Variants in LHX5 observed in about 807,000 individuals in gnomAD.
The protein encoded by LHX5 is LIM/homeobox protein Lhx5.
In LHX5, 5 loss-of-function variants were observed where a neutral mutation model predicts 30.6. The ratio of observed to expected loss-of-function variants is 0.16; its 90% confidence interval spans 0.09 to 0.34. LHX5 has a LOEUF of 0.34. LHX5 is among the 10% of genes least tolerant of loss of function. The pLI is 1.00. For missense variants in LHX5, 458 were observed against 570.6 expected (o/e 0.80, Z 2.01); for synonymous variants, 266 against 252.6 (o/e 1.05, Z -0.50).
In LHX5 at chr12:113,463,263, A is replaced by C. The variant is rs1479672049; in HGVS notation, c.1136T>G (p.Met379Arg). 1 of 1,525,042 alleles carries C rather than the reference A, an allele frequency of 6.6e-7. No homozygotes were observed. The highest frequency in any genetic ancestry group is 8.8e-7 in the Non-Finnish European group (1 of 1,140,580). The allele number at this position is 1,525,042 out of a possible 1,614,324, so 94.5% of individuals were successfully genotyped here. A position where few individuals can be genotyped will look rare whatever the true frequency, so the allele number is the denominator to read the frequency against. Residue 379 changes from methionine to arginine, a missense_variant, in exon 5 of 5, where the codon ATG (methionine) becomes AGG (arginine). Physicochemically the swap from Met to Arg is moderately conservative, Grantham distance 91. This residue lies in a region of LHX5 where 255 missense variants were observed against 246.8 expected (regional missense o/e 1.03). Transcript: ENST00000261731. This position sits in a 1 kb window ranked among gnomAD's most constrained non-coding sequence, Gnocchi z 6.7. ...TCCGCTGTAGCCGCTGGTGCCGCTC[A>C]TTGGGAAGGGCGGGCTGGGCCCGCC... is the stretch of plus-strand genomic sequence containing the variant. ...FSGGPSPPFP[M>R]SGTSGYSGPL...
In LHX5 at chr12:113,464,230, C is replaced by G. The variant is rs143396126; in HGVS notation, c.842-673G>C. Among the ~76,000 whole-genome samples, 100 of 152,296 alleles carry G rather than the reference C, an allele frequency of 6.6e-4. No individual in the cohort carries two copies. The East Asian group carries it at 0.017, about 26-fold the overall frequency. On this transcript the variant is annotated intron_variant, in intron 4 of 4. Transcript: ENST00000261731. This position sits in a 1 kb window ranked among gnomAD's most constrained non-coding sequence, Gnocchi z 6.2. ...GAGAGAAGTCGATGCGCCCAGAGAA[C>G]GCAAGACGGTGGATCAGAGATGAGT...
rs1193129575 is a variant in LHX5, at chr12:113,467,979, C to G, written c.675+148G>C. The G allele has an allele frequency of 4.4e-6, 5 of 1,140,868 alleles. No individual in the cohort carries two copies. The South Asian group carries it at 6.6e-5, about 15-fold the overall frequency. 70.7% of individuals were successfully genotyped at this position (1,140,868 alleles called of 1,614,324 possible). On this transcript the variant is annotated intron_variant, in intron 3 of 4. Coordinates refer to ENST00000261731, the MANE Select transcript of LHX5 (RefSeq NM_022363.3). The surrounding 1 kb of genome is among the most constrained non-coding windows in gnomAD (Gnocchi z 6.3). ...TCTTTCGGTTCACAGTCCCCGACCTCGGGCAAGTGCCCCACTCGGGCGCAC... is the reference window on the plus strand; with the variant it reads ...TCTTTCGGTTCACAGTCCCCGACCTGGGGCAAGTGCCCCACTCGGGCGCAC...
rs1958224831 is a variant in LHX5 at position 113,467,909 on chromosome 12, C to T, written c.675+218G>A. On this transcript the variant is annotated intron_variant, in intron 3 of 4. Coordinates refer to ENST00000261731, the MANE Select transcript of LHX5 (RefSeq NM_022363.3). This position sits in a 1 kb window ranked among gnomAD's most constrained non-coding sequence, Gnocchi z 6.3. ...CGGAATTCAGAGAGGTAAAGTGACC[C>T]GCCCCCAAATCGCAATACCAGGAGG... is the stretch of plus-strand genomic sequence containing the variant. 6.6e-6 allele frequency among the ~76,000 whole-genome samples: 1 copy of T among 152,258 alleles called. No individual in the cohort carries two copies. The highest frequency in any genetic ancestry group is 1.5e-5 in the Non-Finnish European group (1 of 68,048).
At position 113,471,564 on chromosome 12, in the gene LHX5, C is replaced by G; in HGVS notation, c.-66G>C. On this transcript the variant is annotated 5_prime_UTR_variant, in exon 1 of 5. Transcript: ENST00000261731. ...TTGGGCCCCTGGCCCTCGGGCCTGC[C>G]GGGCCCTCCGCTGCCCTTCGCCTCT... 1 of 1,449,910 alleles carries G rather than the reference C, an allele frequency of 6.9e-7. No homozygotes were observed. Among genetic ancestry groups the G allele is most frequent in the Non-Finnish European group, 9.3e-7 (1 of 1,073,328 alleles). The allele number at this position is 1,449,910 out of a possible 1,614,324, so 89.8% of individuals were successfully genotyped here.
chr12:113,471,853 C>T lies in LHX5; in HGVS notation c.-355G>A, dbSNP rs1022196231. 3.6e-6 allele frequency: 1 copy of T among 275,314 alleles called. No homozygotes were observed. 17.1% of individuals were successfully genotyped at this position (275,314 alleles called of 1,614,324 possible). On this transcript the variant is annotated 5_prime_UTR_variant, in exon 1 of 5. Transcript: ENST00000261731. Reference sequence around the variant, plus strand: ...CACTTTCCCCCACTTTCAAGCGGTCCGGATCCTCATCTTTGTCTGGTCGCC... The same window carrying T: ...CACTTTCCCCCACTTTCAAGCGGTCTGGATCCTCATCTTTGTCTGGTCGCC...
At position 113,471,697 on chromosome 12, in the gene LHX5, G is replaced by A; in HGVS notation, c.-199C>T. The A allele has an allele frequency of 3.7e-6, 2 of 537,760 alleles. No homozygotes were observed. Among genetic ancestry groups the A allele is most frequent in the Non-Finnish European group, 6.4e-6 (2 of 312,786 alleles). 33.3% of individuals were successfully genotyped at this position (537,760 alleles called of 1,614,324 possible). A position where few individuals can be genotyped will look rare whatever the true frequency, so the allele number is the denominator to read the frequency against. ...GGCTGCCCGGAGTGGGGTGGTGGGG[G>A]GCGGGTGGCGTTCACAACCTCATGC... is the stretch of plus-strand genomic sequence containing the variant. On this transcript the variant is annotated 5_prime_UTR_variant, in exon 1 of 5. Transcript: ENST00000261731.
At chr12:113,469,937 C>T (rs1336159717) in intron 1 of LHX5, among the ~76,000 whole-genome samples, 1 of 152,208 alleles carries the variant, frequency 6.6e-6, no homozygotes, top group Non-Finnish European at 1.5e-5. Flanking sequence ...CTCTGGGACC[C>T]GCTGGAGCTA....
In LHX5 at chr12:113,463,537, C is replaced by T; in HGVS notation, c.862G>A (p.Ala288Thr). 6.4e-7 allele frequency: 1 copy of T among 1,552,452 alleles called. No individual in the cohort carries two copies. Among genetic ancestry groups the T allele is most frequent in the Non-Finnish European group, 8.6e-7 (1 of 1,157,356 alleles). Reference protein sequence around the residue: ...YYGDYQGDYYAPGSNYDFFAH... With the variant: ...YYGDYQGDYYTPGSNYDFFAH... ...AAGAAGTCGTAGTTGCTTCCCGGCG[C>T]GTAGTAGTCGCCTTGGTAGTCTGCG... Residue 288 changes from alanine (A) to threonine (T), a missense_variant, in exon 5 of 5, where the codon GCG becomes ACG. Ala to Thr is a moderately conservative substitution (Grantham distance 58, BLOSUM62 0). Around this residue, in one of 3 missense-constraint regions of LHX5, gnomAD observed 255 missense variants for 246.8 expected, o/e 1.03. Coordinates refer to ENST00000261731, the MANE Select transcript of LHX5 (RefSeq NM_022363.3). This position sits in a 1 kb window ranked among gnomAD's most constrained non-coding sequence, Gnocchi z 6.7.
intron 2 of LHX5, among the ~76,000 whole-genome samples, chr12:113,468,845 G>C (rs1033495895): frequency 4.6e-5 from 7 of 152,202 alleles, no homozygotes; most frequent in African/African-American, 1.4e-4. Flanking sequence ...GGAATTGTGC[G>C]CTTCCAAATT....
intron 2 of LHX5, among the ~76,000 whole-genome samples, chr12:113,468,856 A>G (rs1958229889): frequency 6.6e-6 from 1 of 152,222 alleles, no homozygotes; most frequent in Non-Finnish European, 1.5e-5. Flanking sequence ...CTTCCAAATT[A>G]GGGGAGGAGG....
chr12:113,469,849 A>G (rs1416022605), intron 1 of LHX5, among the ~76,000 whole-genome samples: 5 of 152,172 alleles, frequency 3.3e-5, no homozygotes, highest in Non-Finnish European at 5.9e-5. Context: ...CCCTTCTCCT[A>G]GGCTGGAAGG....
chr12:113,470,868 C>A (rs1356329709), intron 1 of LHX5, among the ~76,000 whole-genome samples: 1 of 152,222 alleles, frequency 6.6e-6, no homozygotes, highest in East Asian at 1.9e-4. Context: ...CCTCGCTGGG[C>A]CCCCTCTGGA....
chr12:113,463,581 G>A lies in LHX5; in HGVS notation c.842-24C>T. On this transcript the variant is annotated intron_variant, in intron 4 of 4. Coordinates refer to ENST00000261731, the MANE Select transcript of LHX5 (RefSeq NM_022363.3). This position sits in a 1 kb window ranked among gnomAD's most constrained non-coding sequence, Gnocchi z 6.7. ...GTCTGCGGAGGGGGAGCGGGAAGGAGACAGGGCGCGGTGAGAGAAGGCGAA... is the reference window on the plus strand; with the variant it reads ...GTCTGCGGAGGGGGAGCGGGAAGGAAACAGGGCGCGGTGAGAGAAGGCGAA... 2 of 1,495,018 alleles carry A rather than the reference G, an allele frequency of 1.3e-6. No individual in the cohort carries two copies. The highest frequency in any genetic ancestry group is 1.8e-6 in the Non-Finnish European group (2 of 1,128,280). 92.6% of individuals were successfully genotyped at this position (1,495,018 alleles called of 1,614,324 possible). A position where few individuals can be genotyped will look rare whatever the true frequency, so the allele number is the denominator to read the frequency against.
In LHX5 at chr12:113,467,151, T is replaced by C; in HGVS notation, c.841+105A>G. ...TGTCTGTGATCGTGTGTCCAGCGAG[T>C]GGGCGATGTTCTGGAGCGGCGGAAA... On this transcript the variant is annotated intron_variant, in intron 4 of 4. Coordinates refer to ENST00000261731, the MANE Select transcript of LHX5 (RefSeq NM_022363.3). This position sits in a 1 kb window ranked among gnomAD's most constrained non-coding sequence, Gnocchi z 6.3. 2 of 1,145,628 alleles carry C rather than the reference T, an allele frequency of 1.7e-6. No individual in the cohort carries two copies. The highest frequency in any genetic ancestry group is 2.3e-6 in the Non-Finnish European group (2 of 861,860). The allele number at this position is 1,145,628 out of a possible 1,614,324, so 71.0% of individuals were successfully genotyped here.
Position 113,463,459 on chromosome 12 carries a change from C to T in LHX5, c.940G>A (p.Ala314Thr). 2.6e-6 allele frequency: 4 copies of T among 1,561,086 alleles called. No homozygotes were observed. The highest frequency in any genetic ancestry group is 3.5e-6 in the Non-Finnish European group (4 of 1,158,180). Residue 314 changes from alanine (A) to threonine (T), a missense_variant, in exon 5 of 5, where the codon GCG becomes ACG. By Grantham distance (58) the Ala-to-Thr change is moderately conservative (BLOSUM62 0). This residue lies in a region of LHX5 where 255 missense variants were observed against 246.8 expected (regional missense o/e 1.03). Transcript: ENST00000261731. The surrounding 1 kb of genome is among the most constrained non-coding windows in gnomAD (Gnocchi z 6.7). ...GGCGTCGAGCCGGGGCCAGAGGCCG[C>T]CAGGAAGCTGGAGTCGGCCGGGGAC... ...AQSPADSSFL[A>T]ASGPGSTPLG... is the part of the protein sequence containing the mutation.
At position 113,462,936 on chromosome 12, in the gene LHX5, A is replaced by G; in HGVS notation, c.*254T>C. On this transcript the variant is annotated 3_prime_UTR_variant, in exon 5 of 5. Coordinates refer to ENST00000261731, the MANE Select transcript of LHX5 (RefSeq NM_022363.3). ...CTCCGGAGTATTGACTTTGGTCCCA[A>G]GAAATTGCTCGCGGTTGCTGGGAGA... is the stretch of plus-strand genomic sequence containing the variant. The G allele has an allele frequency of 2.4e-6, 1 of 408,412 alleles. No individual in the cohort carries two copies. The highest frequency in any genetic ancestry group is 4.4e-6 in the Non-Finnish European group (1 of 228,262). The allele number at this position is 408,412 out of a possible 1,614,324, so 25.3% of individuals were successfully genotyped here. A position where few individuals can be genotyped will look rare whatever the true frequency, so the allele number is the denominator to read the frequency against.
Position 113,467,532 on chromosome 12 carries a change from C to T in LHX5, c.676-111G>A. On this transcript the variant is annotated intron_variant, in intron 3 of 4. Transcript: ENST00000261731. This position sits in a 1 kb window ranked among gnomAD's most constrained non-coding sequence, Gnocchi z 6.3. ...CTGGGTCCTTGCGCCTCTTCCGCAC[C>T]AGGACTCCCCCGAGGCGGGGCCGGG... is the stretch of plus-strand genomic sequence containing the variant. 1 of 1,041,540 alleles carries T rather than the reference C, an allele frequency of 9.6e-7. No homozygotes were observed. Among genetic ancestry groups the T allele is most frequent in the Non-Finnish European group, 1.3e-6 (1 of 767,370 alleles). 64.5% of individuals were successfully genotyped at this position (1,041,540 alleles called of 1,614,324 possible).
In LHX5 at chr12:113,467,039, ATC is replaced by A. The variant is rs1237887402; in HGVS notation, c.841+215_841+216del. On this transcript the variant is annotated intron_variant, in intron 4 of 4. Coordinates refer to ENST00000261731, the MANE Select transcript of LHX5 (RefSeq NM_022363.3). The surrounding 1 kb of genome is among the most constrained non-coding windows in gnomAD (Gnocchi z 6.3). ...CCTGCGTGGGTGAATGTGTCACTGT[ATC>A]TCGTGTGTGCTTCTGTGTGCATCAC... is the stretch of plus-strand genomic sequence containing the variant. 5.3e-5 allele frequency among the ~76,000 whole-genome samples: 8 copies of A among 151,542 alleles called. No individual in the cohort carries two copies. The South Asian group carries it at 1.7e-3, about 32-fold the overall frequency.
Position 113,466,062 on chromosome 12 carries a change from G to A in LHX5, c.841+1194C>T, listed in dbSNP as rs1958213876. Among the ~76,000 whole-genome samples the A allele has an allele frequency of 6.6e-6, 1 of 152,202 alleles. No homozygotes were observed. The highest frequency in any genetic ancestry group is 2.1e-4 in the South Asian group (1 of 4,836). On this transcript the variant is annotated intron_variant, in intron 4 of 4. Coordinates refer to ENST00000261731, the MANE Select transcript of LHX5 (RefSeq NM_022363.3). This position sits in a 1 kb window ranked among gnomAD's most constrained non-coding sequence, Gnocchi z 6.5. ...TCCGGATGTGCTGAGGTTAGTGATG[G>A]GGTTATCTTCCCTTCCCTTCTGCGT...
Sources: allele counts gnomAD v4.1 joint callset (sites outside exome capture counted in the v4.1 genomes callset), GRCh38; gene constraint gnomAD v4.1.1; regional missense constraint gnomAD v4.1.1; non-coding constraint Gnocchi (gnomAD v3.1); transcripts MANE v1.5; gene names NCBI Gene and HGNC (gene_info 2026-07-23, HGNC 2026-07-21).